BMPER: variants seen among roughly 807,000 people sequenced by gnomAD.
The protein encoded by BMPER is BMP-binding endothelial regulator protein.
In BMPER, 45 loss-of-function variants were observed where a neutral mutation model predicts 87.3. The ratio of observed to expected loss-of-function variants is 0.52; its 90% confidence interval spans 0.41 to 0.66. The LOEUF (loss-of-function observed/expected upper bound fraction) is 0.66. BMPER is among the 30% of genes least tolerant of loss of function. BMPER has a pLI of 0.00. For missense variants in BMPER, 784 were observed against 867.5 expected, an observed-to-expected ratio of 0.90 and a Z score of 1.21; for synonymous variants, 326 against 316.2, an observed-to-expected ratio of 1.03 and a Z score of -0.33.
intron 2 of BMPER, among the ~76,000 whole-genome samples, chr7:33,931,723 C>T (rs1486781124): frequency 6.6e-6 from 1 of 152,194 alleles, no homozygotes; most frequent in Non-Finnish European, 1.5e-5. Flanking sequence ...CTTCCTCCTC[C>T]TTGGGGCACT....
At chr7:33,912,149 A>G (rs986146951) in intron 2 of BMPER, among the ~76,000 whole-genome samples, 2 of 152,138 alleles carry the variant, frequency 1.3e-5, no homozygotes, top group Admixed American at 1.3e-4. Context: ...ACAACAAAAA[A>G]CACAACTTTC....
At chr7:34,090,586 G>A (rs1789353287) in intron 13 of BMPER, among the ~76,000 whole-genome samples, 1 of 152,200 alleles carries the variant, frequency 6.6e-6, no homozygotes, top group Non-Finnish European at 1.5e-5. Context: ...GAGAGGCCAG[G>A]AGATGAGCTA....
At chr7:34,062,497 G>T (rs113783661) in intron 11 of BMPER, among the ~76,000 whole-genome samples, 3 of 150,240 alleles carry the variant, frequency 2.0e-5, no homozygotes, top group Non-Finnish European at 4.4e-5. Flanking sequence ...ATGTCACCTG[G>T]GTGCATCCAG....
intron 6 of BMPER, among the ~76,000 whole-genome samples, chr7:33,989,607 C>T (rs1786139623): frequency 6.6e-6 from 1 of 152,194 alleles, no homozygotes; most frequent in Non-Finnish European, 1.5e-5. Context: ...TGTGCAGAAG[C>T]TCTTTAGTTT....
chr7:34,122,524 C>T (rs373699483), intron 13 of BMPER, among the ~76,000 whole-genome samples: 3 of 152,150 alleles, frequency 2.0e-5, no homozygotes, highest in African/African-American at 7.2e-5. Flanking sequence ...TCACCTGGAT[C>T]TAGAGTCCTT....
intron 2 of BMPER, among the ~76,000 whole-genome samples, chr7:33,923,355 G>C (rs1220032617): frequency 6.6e-6 from 1 of 152,176 alleles, no homozygotes; most frequent in Non-Finnish European, 1.5e-5. Flanking sequence ...CCCAGCCTTT[G>C]GTCACTAAGC....
At chr7:33,960,814 G>A (rs1785251372) in intron 3 of BMPER, among the ~76,000 whole-genome samples, 1 of 152,156 alleles carries the variant, frequency 6.6e-6, no homozygotes, top group South Asian at 2.1e-4. Flanking sequence ...TAGTTTGTAG[G>A]AATAGCTGTA....
At chr7:34,031,988 A>AT (rs1787538217) in intron 6 of BMPER, among the ~76,000 whole-genome samples, 1 of 131,608 alleles carries the variant, frequency 7.6e-6, no homozygotes, top group Non-Finnish European at 1.6e-5. Flanking sequence ...CTTATATATA[A>AT]ATATATATGT....
At chr7:34,125,845 C>G (rs2192873) in intron 13 of BMPER, among the ~76,000 whole-genome samples, 29,560 of 152,198 alleles carry the variant, frequency 0.19, 2,963 homozygotes, top group Admixed American at 0.2. Context: ...TGGAGGACAG[C>G]ATTGTGAAAA....
At chr7:33,952,520 G>A (rs944885335) in intron 3 of BMPER, among the ~76,000 whole-genome samples, 11 of 152,176 alleles carry the variant, frequency 7.2e-5, no homozygotes, top group African/African-American at 1.9e-4. Flanking sequence ...AGAAACCCTG[G>A]CAAAGGAATG....
At chr7:34,078,763 C>T in intron 11 of BMPER, 94 bp from the exon 12 acceptor site, 1 of 1,327,018 alleles carries the variant, frequency 7.5e-7, no homozygotes, top group Non-Finnish European at 1.1e-6. Context: ...TGCATTTCTG[C>T]TAAGGCTTCC....
At chr7:34,145,126 T>G (rs1246662247) in intron 14 of BMPER, among the ~76,000 whole-genome samples, 1 of 152,182 alleles carries the variant, frequency 6.6e-6, no homozygotes, top group African/African-American at 2.4e-5. Context: ...CTTGTGTACC[T>G]TTTAAAACTC....
intron 6 of BMPER, among the ~76,000 whole-genome samples, chr7:34,015,751 A>G (rs368315248): frequency 4.6e-5 from 7 of 151,914 alleles, no homozygotes; most frequent in Admixed American, 1.3e-4. Flanking sequence ...AACTGGAACA[A>G]TGTTATGGGA....
chr7:33,937,507 AAGT>A, intron 3 of BMPER, 119 bp downstream of exon 3: 3 of 763,942 alleles, frequency 3.9e-6, no homozygotes, highest in Non-Finnish European at 6.4e-6. Flanking sequence ...TGGGGAGGAG[AAGT>A]AGGGTGTGTG....
At chr7:34,034,812 T>C (rs1475824401) in intron 6 of BMPER, among the ~76,000 whole-genome samples, 1 of 152,210 alleles carries the variant, frequency 6.6e-6, no homozygotes, top group Non-Finnish European at 1.5e-5. Flanking sequence ...ATGTTGGTGA[T>C]AGCATGTTCC....
In BMPER at chr7:34,086,379, G is replaced by A. The variant is rs1447777974; in HGVS notation, c.1745+287G>A. 2.4e-4 allele frequency among the ~76,000 whole-genome samples: 36 copies of A among 152,288 alleles called. 1 individual carries two copies. Among genetic ancestry groups the A allele is most frequent in the Non-Finnish European group, 1.3e-4 (9 of 68,018 alleles). ...TGGCTACACTGCAGGGTTTTTCCAGGTGTTAGCTTAACTCTAAGATTGAGG... is the reference window on the plus strand; with the variant it reads ...TGGCTACACTGCAGGGTTTTTCCAGATGTTAGCTTAACTCTAAGATTGAGG... On this transcript the variant is annotated intron_variant, in intron 13 of 14. Coordinates refer to ENST00000649409, the MANE Select transcript of BMPER (RefSeq NM_001365308.1).
chr7:33,920,683 C>G (rs572288952), intron 2 of BMPER, among the ~76,000 whole-genome samples: 7 of 151,966 alleles, frequency 4.6e-5, no homozygotes, highest in African/African-American at 7.3e-5. Context: ...CTTGGCCCCC[C>G]CAAAGTGCTG....
chr7:33,981,772 CGTCATT>C (rs1226527317), intron 6 of BMPER, among the ~76,000 whole-genome samples: 2 of 152,170 alleles, frequency 1.3e-5, no homozygotes, highest in African/African-American at 2.4e-5. Flanking sequence ...GAGAGATGCA[CGTCATT>C]GTGGATGAGC....
chr7:34,042,523 A>G (rs1289285106), intron 6 of BMPER, among the ~76,000 whole-genome samples: 1 of 152,182 alleles, frequency 6.6e-6, no homozygotes, highest in African/African-American at 2.4e-5. Flanking sequence ...TTGATGTATT[A>G]ACACCAACAA....
Sources: allele counts gnomAD v4.1 joint callset (sites outside exome capture counted in the v4.1 genomes callset), GRCh38; gene constraint gnomAD v4.1.1; transcripts MANE v1.5; gene names NCBI Gene and HGNC (gene_info 2026-07-23, HGNC 2026-07-21).